EFNB1: variants seen among roughly 807,000 people sequenced by gnomAD.
EFNB1 encodes ephrin-B1.
A neutral mutation model predicts 18.1 loss-of-function variants in EFNB1; 1 was observed. The ratio of observed to expected loss-of-function variants is 0.06; its 90% CI spans 0.02 to 0.26. EFNB1 has a LOEUF of 0.26. Among genes scored for constraint, EFNB1 ranks in the 10% least tolerant of loss-of-function variants. EFNB1 has a pLI of 1.00. For synonymous variants in EFNB1, 131 were observed against 127.5 expected (o/e 1.03, Z -0.19); for missense variants, 221 against 301.8 (o/e 0.73, Z 1.98).
At position 68,841,000 on chromosome X, in the gene EFNB1, C is replaced by A; in HGVS notation, c.*346C>A. ...CCCCCTTGCCACCTTCCCAGGACTGCTTGTCCGCTATCATCACTGTTTTTA... is the reference window on the plus strand; with the variant it reads ...CCCCCTTGCCACCTTCCCAGGACTGATTGTCCGCTATCATCACTGTTTTTA... On this transcript the variant is annotated 3_prime_UTR_variant, in exon 5 of 5. Transcript: ENST00000204961. 1 of 296,198 alleles carries A rather than the reference C, an allele frequency of 3.4e-6. No homozygotes were observed. Among genetic ancestry groups the A allele is most frequent in the Non-Finnish European group, 6.0e-6 (1 of 166,819 alleles). The allele number at this position is 296,198 out of a possible 1,213,427, so 24.4% of individuals were successfully genotyped here.
At chrX:68,830,902 G>A (rs1050213770) in intron 1 of EFNB1, among the ~76,000 whole-genome samples, 2 of 111,879 alleles carry the variant, frequency 1.8e-5, no homozygotes, top group Non-Finnish European at 1.9e-5. Context: ...CAAACAACAC[G>A]CACACCTTTC....
chrX:68,839,556 C>T (rs1271225712), intron 2 of EFNB1, 108 bp from the exon 3 acceptor site: 1 of 718,578 alleles, frequency 1.4e-6, no homozygotes, highest in African/African-American at 2.1e-5. Context: ...CTTCTCCCGA[C>T]TGCAGTTTCT....
rs1602665621 is a variant in EFNB1, at chrX:68,829,418, C to T, written c.-359C>T. 4.1e-6 allele frequency: 1 copy of T among 241,963 alleles called. No homozygotes were observed. The highest frequency in any genetic ancestry group is 1.2e-4 in the East Asian group (1 of 8,488). 19.9% of individuals were successfully genotyped at this position (241,963 alleles called of 1,213,427 possible). A position where few individuals can be genotyped will look rare whatever the true frequency, so the allele number is the denominator to read the frequency against. On this transcript the variant is annotated 5_prime_UTR_variant, in exon 1 of 5. Coordinates refer to ENST00000204961, the MANE Select transcript of EFNB1 (RefSeq NM_004429.5). The stretch of plus-strand genomic sequence containing the variant: ...TCACCGAGACCTCTGCGGGAAGACC[C>T]CGTCGGGGAGAGGGCGCGCAGCCCC...
chrX:68,831,980 C>T (rs764799950), intron 1 of EFNB1, among the ~76,000 whole-genome samples: 11 of 110,350 alleles, frequency 1.0e-4, no homozygotes, highest in Non-Finnish European at 2.1e-4. Context: ...TCCTGGTGCA[C>T]CCTCCTTCCA....
In EFNB1 at chrX:68,841,238, C is replaced by T. The variant is rs903042793; in HGVS notation, c.*584C>T. The T allele has an allele frequency of 8.4e-6, 1 of 118,510 alleles. No individual in the cohort carries two copies. Among genetic ancestry groups the T allele is most frequent in the African/African-American group, 3.2e-5 (1 of 30,781 alleles). The allele number at this position is 118,510 out of a possible 1,213,427, so 9.8% of individuals were successfully genotyped here. A position where few individuals can be genotyped will look rare whatever the true frequency, so the allele number is the denominator to read the frequency against. The stretch of plus-strand genomic sequence containing the variant: ...TATTTCTGGTGGGGTAAGGGGCAGG[C>T]CAGGGCTGTTCACGCCCATGAGGGA... On this transcript the variant is annotated 3_prime_UTR_variant, in exon 5 of 5. Transcript: ENST00000204961.
In EFNB1 at chrX:68,840,078, T is replaced by C; in HGVS notation, c.618T>C (p.Asp206=). Residue 206 remains aspartate (D), a synonymous_variant, in exon 4 of 5, where the codon GAT becomes GAC. Coordinates refer to ENST00000204961, the MANE Select transcript of EFNB1 (RefSeq NM_004429.5). Reference sequence around the variant, plus strand: ...GTCGGGGCTCCCTGGGTGACTCTGATGGCAAGCATGGTAAGTGTATGTGTT... The same window carrying C: ...GTCGGGGCTCCCTGGGTGACTCTGACGGCAAGCATGGTAAGTGTATGTGTT... ...PGSRGSLGDS[D]GKHETVNQEE... 1 of 1,211,883 alleles carries C rather than the reference T, an allele frequency of 8.3e-7. No individual in the cohort carries two copies.
At chrX:68,831,587 T>C (rs967238989) in intron 1 of EFNB1, among the ~76,000 whole-genome samples, 1 of 110,923 alleles carries the variant, frequency 9.0e-6, no homozygotes, top group East Asian at 2.9e-4. Flanking sequence ...GCTGGAAATG[T>C]TCTGTCTTGA....
chrX:68,838,000 C>A (rs2080464878), intron 1 of EFNB1, among the ~76,000 whole-genome samples: 1 of 111,971 alleles, frequency 8.9e-6, no homozygotes, highest in Non-Finnish European at 1.9e-5. Context: ...CCTATCTTTC[C>A]ATCATGACCA....
chrX:68,838,150 TGTGTGTGTGTGTGTGTGTGTGTGCGCGC>T (rs1405847798), intron 1 of EFNB1, among the ~76,000 whole-genome samples: 11 of 48,295 alleles, frequency 2.3e-4, no homozygotes, highest in Non-Finnish European at 3.0e-4. Context: ...TGTGTGTGTG[TGTGTGTGTGTGTGTGTGTGTGTGCGCGC>T]GCGCGCGCGC....
Position 68,840,497 on chromosome X carries a change from C to T in EFNB1, c.884C>T (p.Ala295Val), listed in dbSNP as rs369967894. ...AGTCCCAAGGGGGGCAGTGGCACAG[C>T]GGGCACCGAGCCCAGCGACATCATC... ...LASPKGGSGTAGTEPSDIIIP... is the reference protein window; with the variant it reads ...LASPKGGSGTVGTEPSDIIIP... The change falls in exon 5 of 5, where the codon GCG becomes GTG. Residue 295 changes from alanine to valine, a missense_variant. By Grantham distance (64) the Ala-to-Val change is moderately conservative (BLOSUM62 0). Transcript: ENST00000204961. The T allele has an allele frequency of 1.9e-5, 23 of 1,209,822 alleles. No homozygotes were observed. Among genetic ancestry groups the T allele is most frequent in the East Asian group, 3.0e-5 (1 of 33,733 alleles).
intron 1 of EFNB1, among the ~76,000 whole-genome samples, chrX:68,830,407 T>C (rs1452383826): frequency 8.8e-6 from 1 of 113,027 alleles, no homozygotes; most frequent in Non-Finnish European, 1.9e-5. Flanking sequence ...ACATCCCCAC[T>C]CGGGCTTCTC....
In EFNB1 at chrX:68,832,811, CGTGT is replaced by C. The variant is rs3085479; in HGVS notation, c.128+2934_128+2937del. ...TTTTTTTTAGGAACCTCTGTGTGTG[CGTGT>C]GTGTGTGTGTGTGTGTGTGTGTGTG... On this transcript the variant is annotated intron_variant, in intron 1 of 4. Coordinates refer to ENST00000204961, the MANE Select transcript of EFNB1 (RefSeq NM_004429.5). Among the ~76,000 whole-genome samples, 28 of 97,366 alleles carry C rather than the reference CGTGT, an allele frequency of 2.9e-4. No homozygotes were observed. In the East Asian group the frequency reaches 7.4e-3, roughly 26 times the overall value. The allele number at this position is 97,366 out of a possible 115,157, so 84.6% of individuals were successfully genotyped here.
rs772093480 is a variant in EFNB1 at position 68,830,427 on chromosome X, T to A, written c.128+523T>A. Among the ~76,000 whole-genome samples the A allele has an allele frequency of 1.4e-4, 16 of 113,084 alleles. 1 individual carries two copies. In the South Asian group the frequency reaches 4.0e-3, roughly 28 times the overall value. On this transcript the variant is annotated intron_variant, in intron 1 of 4. Coordinates refer to ENST00000204961, the MANE Select transcript of EFNB1 (RefSeq NM_004429.5). ...CCCACTCGGGCTTCTCCCATTTTCA[T>A]TTCTCTTTCTTCCCTGTTTTCCTCC...
At chrX:68,832,866 A>G (rs1180440064) in intron 1 of EFNB1, among the ~76,000 whole-genome samples, 1 of 104,987 alleles carries the variant, frequency 9.5e-6, no homozygotes, top group Non-Finnish European at 1.9e-5. Context: ...TGTTATCTAA[A>G]TGGTCCTAGG....
At position 68,840,044 on chromosome X, in the gene EFNB1, C is replaced by A. The variant is rs974195266; in HGVS notation, c.584C>A (p.Ala195Asp). ...ADNTVKMATQ[A>D]PGSRGSLGDS... The stretch of plus-strand genomic sequence containing the variant: ...AACACTGTCAAGATGGCCACACAGG[C>A]CCCTGGTAGTCGGGGCTCCCTGGGT... Residue 195 changes from alanine to aspartate, a missense_variant, in exon 4 of 5, where the codon GCC becomes GAC. Coordinates refer to ENST00000204961, the MANE Select transcript of EFNB1 (RefSeq NM_004429.5). 2 of 1,212,000 alleles carry A rather than the reference C, an allele frequency of 1.7e-6. No homozygotes were observed. Among genetic ancestry groups the A allele is most frequent in the African/African-American group, 3.5e-5 (2 of 57,882 alleles).
At chrX:68,839,289 G>A (rs2080470405) in intron 2 of EFNB1, among the ~76,000 whole-genome samples, 1 of 112,566 alleles carries the variant, frequency 8.9e-6, no homozygotes, top group African/African-American at 3.2e-5. Context: ...AGATCACACA[G>A]TGAGTTAGAG....
chrX:68,829,315 G>A lies in EFNB1; in HGVS notation c.-462G>A, dbSNP rs891103381. ...AGGGCGGCCCAGTCGGGAGCCCGGG[G>A]ACCGAGCTTGTGCTGTGGGGAAACC... On this transcript the variant is annotated 5_prime_UTR_variant, in exon 1 of 5. Transcript: ENST00000204961. 2.1e-4 allele frequency: 35 copies of A among 163,281 alleles called. No individual in the cohort carries two copies. The highest frequency in any genetic ancestry group is 5.4e-4 in the Admixed American group (7 of 12,877). 13.5% of individuals were successfully genotyped at this position (163,281 alleles called of 1,213,427 possible).
chrX:68,830,684 G>A (rs1226807945), intron 1 of EFNB1, among the ~76,000 whole-genome samples: 1 of 112,768 alleles, frequency 8.9e-6, no homozygotes, highest in East Asian at 2.8e-4. Context: ...CGGCCGAGCT[G>A]TTGAGGGAGG....
chrX:68,840,821 G>A lies in EFNB1; in HGVS notation c.*167G>A. 2 of 582,939 alleles carry A rather than the reference G, an allele frequency of 3.4e-6. No individual in the cohort carries two copies. Among genetic ancestry groups the A allele is most frequent in the East Asian group, 3.6e-5 (1 of 27,612 alleles). The allele number at this position is 582,939 out of a possible 1,213,427, so 48.0% of individuals were successfully genotyped here. ...TTTCCCTGCCCCCTGGGCTTCGGAG[G>A]GGGGTGCTTGTGCCCCTAACCCCCA... On this transcript the variant is annotated 3_prime_UTR_variant, in exon 5 of 5. Transcript: ENST00000204961.
Sources: gnomAD v4.1 joint callset for allele counts (sites outside exome capture counted in the v4.1 genomes callset) on GRCh38, gnomAD v4.1.1 for gene constraint, MANE v1.5 for transcripts, NCBI Gene and HGNC (gene_info 2026-07-23, HGNC 2026-07-21) for gene names.